Variants in ACYP2 observed in about 807,000 individuals in gnomAD.
The protein encoded by ACYP2 is acylphosphatase-2.
A neutral mutation model predicts 11.2 loss-of-function variants in ACYP2; 12 were observed. The observed-to-expected ratio is 1.08, with a 90% CI of 0.69 to 1.74. ACYP2 has a LOEUF of 1.74. ACYP2 is among the 40% of genes most tolerant of loss of function. The probability of loss-of-function intolerance (pLI) is 0.00; values close to 1 mark genes in which losing one functional copy is unlikely to be tolerated. For missense variants in ACYP2, 134 were observed against 101.9 expected, an observed-to-expected ratio of 1.31 and a Z score of -1.35; for synonymous variants, 43 against 32.2, an observed-to-expected ratio of 1.33 and a Z score of -1.13.
At chr2:54,191,257 C>T (rs1332287189) in intron 6 of ACYP2, among the ~76,000 whole-genome samples, 1 of 152,124 alleles carries the variant, frequency 6.6e-6, no homozygotes, top group Non-Finnish European at 1.5e-5. Flanking sequence ...GTAAACTGCC[C>T]CCTGCTCTCC....
At chr2:54,149,328 A>C (rs1364354008) in intron 6 of ACYP2, among the ~76,000 whole-genome samples, 1 of 152,216 alleles carries the variant, frequency 6.6e-6, no homozygotes, top group African/African-American at 2.4e-5. Context: ...ACAAGCCAGC[A>C]GCATGTAAGA....
At chr2:54,107,174 G>C (rs560337169) in intron 4 of ACYP2, among the ~76,000 whole-genome samples, 150 of 152,204 alleles carry the variant, frequency 9.9e-4, no homozygotes, top group African/African-American at 3.4e-3. Flanking sequence ...TAACTAGAGC[G>C]CTAGACATGT....
intron 2 of ACYP2, among the ~76,000 whole-genome samples, chr2:54,040,905 G>A (rs1675185768): frequency 1.3e-5 from 2 of 152,056 alleles, no homozygotes; most frequent in Admixed American, 6.6e-5. Context: ...GGTCAACAGA[G>A]GGTTTTTCAA....
intron 6 of ACYP2, among the ~76,000 whole-genome samples, chr2:54,178,206 AT>A (rs950653174): frequency 6.6e-6 from 1 of 152,138 alleles, no homozygotes; most frequent in African/African-American, 2.4e-5. Flanking sequence ...ACTTAAAAGG[AT>A]TTCTTTAATT....
At chr2:54,292,669 T>TACAC (rs3071218) in intron 6 of ACYP2, among the ~76,000 whole-genome samples, 40 of 148,976 alleles carry the variant, frequency 2.7e-4, no homozygotes, top group Non-Finnish European at 3.9e-4. Context: ...TATATATGTA[T>TACAC]ACACACACAC....
rs1689859041 is a variant in ACYP2, at chr2:54,304,854, G to C, written c.*52G>C. 1 of 1,058,086 alleles carries C rather than the reference G, an allele frequency of 9.5e-7. No homozygotes were observed. Among genetic ancestry groups the C allele is most frequent in the South Asian group, 1.4e-5 (1 of 69,962 alleles). 65.5% of individuals were successfully genotyped at this position (1,058,086 alleles called of 1,614,324 possible). On this transcript the variant is annotated 3_prime_UTR_variant, in exon 7 of 7. Transcript: ENST00000607452. ...AACAATAGATACTGTATGTTCTTAA[G>C]ACTATGTATACTAGAATAATAGTAG...
intron 5 of ACYP2, among the ~76,000 whole-genome samples, chr2:54,137,152 A>G (rs1444438672): frequency 6.6e-6 from 1 of 152,012 alleles, no homozygotes; most frequent in African/African-American, 2.4e-5. Context: ...CTACCCATAG[A>G]CAATTATAAC....
chr2:54,300,845 C>A (rs1444381572), intron 6 of ACYP2, among the ~76,000 whole-genome samples: 4 of 152,232 alleles, frequency 2.6e-5, no homozygotes, highest in Non-Finnish European at 5.9e-5. Context: ...TTTTCCTACA[C>A]CCTAATTGCC....
At chr2:54,282,306 C>T (rs556864748) in intron 6 of ACYP2, among the ~76,000 whole-genome samples, 1 of 152,282 alleles carries the variant, frequency 6.6e-6, no homozygotes, top group South Asian at 2.1e-4. Flanking sequence ...CAAATCCCAC[C>T]GTCACGGACG....
intron 6 of ACYP2, among the ~76,000 whole-genome samples, chr2:54,256,438 CAT>C (rs1165101095): frequency 6.6e-6 from 1 of 152,180 alleles, no homozygotes; most frequent in Non-Finnish European, 1.5e-5. Flanking sequence ...AGAACCTTCT[CAT>C]GTGTTTGTTG....
chr2:54,167,490 T>G (rs1483574287), intron 6 of ACYP2, among the ~76,000 whole-genome samples: 1 of 152,208 alleles, frequency 6.6e-6, no homozygotes, highest in African/African-American at 2.4e-5. Flanking sequence ...GATTTCACAG[T>G]TGTAGTATTT....
chr2:54,221,338 A>G (rs1034987998), intron 6 of ACYP2, among the ~76,000 whole-genome samples: 1 of 152,216 alleles, frequency 6.6e-6, no homozygotes, highest in Admixed American at 6.5e-5. Context: ...TGATATGACC[A>G]TTACTATTTC....
intron 2 of ACYP2, among the ~76,000 whole-genome samples, chr2:54,007,743 T>C (rs1164416383): frequency 1.3e-5 from 2 of 152,134 alleles, no homozygotes; most frequent in African/African-American, 4.8e-5. Flanking sequence ...TGTGTGCCTG[T>C]AATCCCAGCT....
chr2:54,029,763 A>T (rs1251429528), intron 2 of ACYP2: 1 of 596,086 alleles, frequency 1.7e-6, no homozygotes, highest in East Asian at 4.0e-5. Flanking sequence ...ATGCTGGGGA[A>T]CATTGTAGGC....
At chr2:54,161,433 A>G (rs1682706974) in intron 6 of ACYP2, among the ~76,000 whole-genome samples, 2 of 152,224 alleles carry the variant, frequency 1.3e-5, no homozygotes, top group South Asian at 4.1e-4. Flanking sequence ...CAGGATTCAA[A>G]GAGGAGTTAC....
At chr2:54,166,668 G>A (rs1035132128) in intron 6 of ACYP2, among the ~76,000 whole-genome samples, 12 of 152,160 alleles carry the variant, frequency 7.9e-5, no homozygotes, top group Admixed American at 7.9e-4. Flanking sequence ...AAGTGCTTGA[G>A]TTCGATGCCA....
intron 2 of ACYP2, among the ~76,000 whole-genome samples, chr2:54,017,603 T>C (rs1673771606): frequency 6.6e-6 from 1 of 152,170 alleles, no homozygotes; most frequent in Non-Finnish European, 1.5e-5. Flanking sequence ...ATTCAGCCCA[T>C]AGAAATTTCT....
chr2:54,027,837 C>CTTTTTTTTT (rs34122179), intron 2 of ACYP2, among the ~76,000 whole-genome samples: 50 of 97,880 alleles, frequency 5.1e-4, no homozygotes, highest in Non-Finnish European at 7.4e-4. Flanking sequence ...TTCTTTCTTT[C>CTTTTTTTTT]TTTTTTTTTT....
intron 6 of ACYP2, among the ~76,000 whole-genome samples, chr2:54,296,111 T>TAAAC (rs1689511677): frequency 1.3e-5 from 2 of 152,258 alleles, no homozygotes; most frequent in Admixed American, 6.5e-5. Flanking sequence ...AGGCATATAA[T>TAAAC]AAACACATAG....
Sources: allele counts gnomAD v4.1 joint callset (sites outside exome capture counted in the v4.1 genomes callset), GRCh38; gene constraint gnomAD v4.1.1; transcripts MANE v1.5; gene names NCBI Gene and HGNC (gene_info 2026-07-23, HGNC 2026-07-21).